The following CHST11 variants were observed in gnomAD, a reference collection of about 807,000 sequenced individuals.
CHST11 encodes the protein C4S-1.
In CHST11, 9 loss-of-function variants were observed where a neutral mutation model predicts 30.4. The ratio of observed to expected loss-of-function variants is 0.30; its 90% confidence interval spans 0.18 to 0.52. CHST11 has a LOEUF of 0.52. Ranked by LOEUF, CHST11 falls within the 20% of genes least tolerant of loss-of-function variation. The probability of loss-of-function intolerance (pLI) is 0.97; values close to 1 mark genes in which losing one functional copy is unlikely to be tolerated. For missense variants in CHST11, 348 were observed against 460.6 expected (o/e 0.76, Z 2.24); for synonymous variants, 152 against 187.8 (o/e 0.81, Z 1.56).
chr12:104,742,897 C>T (rs535498484), intron 2 of CHST11, among the ~76,000 whole-genome samples: 2 of 152,218 alleles, frequency 1.3e-5, no homozygotes, highest in African/African-American at 2.4e-5. Context: ...CTGAGAGTCC[C>T]CGCTCTTCTC....
At chr12:104,543,868 C>T (rs1261595376) in intron 1 of CHST11, among the ~76,000 whole-genome samples, 1 of 152,002 alleles carries the variant, frequency 6.6e-6, no homozygotes, top group African/African-American at 2.4e-5. Flanking sequence ...GAGGTATGCA[C>T]CTATAGTCCC....
intron 1 of CHST11, among the ~76,000 whole-genome samples, chr12:104,598,594 G>A (rs1022549681): frequency 2.6e-5 from 4 of 152,170 alleles, no homozygotes; most frequent in African/African-American, 9.6e-5. Flanking sequence ...CTGGGATGAA[G>A]CCCAAGAATG....
chr12:104,627,206 CT>C (rs780213495), intron 2 of CHST11, among the ~76,000 whole-genome samples: 1 of 152,022 alleles, frequency 6.6e-6, no homozygotes, highest in Non-Finnish European at 1.5e-5. Context: ...ATTCCATTGT[CT>C]GGATGGAACA....
At chr12:104,714,451 G>A (rs995981718) in intron 2 of CHST11, among the ~76,000 whole-genome samples, 2 of 152,132 alleles carry the variant, frequency 1.3e-5, no homozygotes, top group African/African-American at 4.8e-5. Flanking sequence ...GATCTGTCAG[G>A]GCTGGGGCAA....
intron 1 of CHST11, among the ~76,000 whole-genome samples, chr12:104,487,010 A>G (rs894228984): frequency 2.6e-5 from 4 of 152,218 alleles, no homozygotes; most frequent in African/African-American, 4.8e-5. Flanking sequence ...GAGATATTTT[A>G]AAGTCCTCTC....
intron 2 of CHST11, among the ~76,000 whole-genome samples, chr12:104,690,064 C>T (rs988267063): frequency 6.6e-6 from 1 of 152,232 alleles, no homozygotes; most frequent in African/African-American, 2.4e-5. Flanking sequence ...GGTGGGCTCA[C>T]ACTCTTGTGA....
intron 1 of CHST11, among the ~76,000 whole-genome samples, chr12:104,460,445 CTT>C (rs2037396990): frequency 6.6e-6 from 1 of 152,112 alleles, no homozygotes; most frequent in African/African-American, 2.4e-5. Context: ...GGGTGCATCA[CTT>C]GAGCTCAGGA....
At chr12:104,732,746 C>G (rs2040267591) in intron 2 of CHST11, among the ~76,000 whole-genome samples, 1 of 152,190 alleles carries the variant, frequency 6.6e-6, no homozygotes, top group African/African-American at 2.4e-5. Flanking sequence ...CCCAGGTGCT[C>G]ACATCATCTA....
chr12:104,491,578 C>T (rs2037746801), intron 1 of CHST11, among the ~76,000 whole-genome samples: 2 of 151,968 alleles, frequency 1.3e-5, no homozygotes, highest in Non-Finnish European at 2.9e-5. Flanking sequence ...AAGTGGTCCT[C>T]CTGCCTCTGC....
At chr12:104,614,032 G>A (rs2039085220) in intron 2 of CHST11, among the ~76,000 whole-genome samples, 2 of 152,168 alleles carry the variant, frequency 1.3e-5, no homozygotes, top group South Asian at 4.1e-4. Flanking sequence ...TAGGAAAGCA[G>A]ATCTTAAATG....
intron 2 of CHST11, among the ~76,000 whole-genome samples, chr12:104,656,930 G>A: frequency 6.6e-6 from 1 of 152,064 alleles, no homozygotes; most frequent in Non-Finnish European, 1.5e-5. Flanking sequence ...AAGTTTCAAT[G>A]TTTCTAAGAT....
chr12:104,486,618 T>C (rs924694316), intron 1 of CHST11, among the ~76,000 whole-genome samples: 1 of 152,154 alleles, frequency 6.6e-6, no homozygotes, highest in East Asian at 1.9e-4. Flanking sequence ...TCTGGAACTT[T>C]CCAGTCAGGC....
intron 1 of CHST11, among the ~76,000 whole-genome samples, chr12:104,558,815 A>G (rs2038485170): frequency 6.6e-6 from 1 of 152,122 alleles, no homozygotes; most frequent in African/African-American, 2.4e-5. Context: ...CTGGGATTAC[A>G]GGCTTGAGTC....
At chr12:104,606,058 C>G (rs2039001552) in intron 2 of CHST11, among the ~76,000 whole-genome samples, 1 of 150,708 alleles carries the variant, frequency 6.6e-6, no homozygotes, top group African/African-American at 2.4e-5. Flanking sequence ...TTTATAAGCG[C>G]TGAGTCTAGG....
intron 2 of CHST11, among the ~76,000 whole-genome samples, chr12:104,654,701 A>G (rs61256744): frequency 0.25 from 37,750 of 152,074 alleles, 4,935 homozygotes; most frequent in South Asian, 0.31. Flanking sequence ...AAGGAACTGT[A>G]CCTGCTAACC....
At chr12:104,756,662 T>C (rs2040478924) in intron 2 of CHST11, among the ~76,000 whole-genome samples, 3 of 152,020 alleles carry the variant, frequency 2.0e-5, no homozygotes. Context: ...ATTCTCCTGC[T>C]TCAGCCTCCC....
At chr12:104,584,838 C>T (rs1233862402) in intron 1 of CHST11, among the ~76,000 whole-genome samples, 1 of 152,144 alleles carries the variant, frequency 6.6e-6, no homozygotes, top group Admixed American at 6.5e-5. Context: ...CATCTTTGCG[C>T]GTCCATCTTT....
At chr12:104,714,740 G>T (rs2040116429) in intron 2 of CHST11, among the ~76,000 whole-genome samples, 1 of 152,130 alleles carries the variant, frequency 6.6e-6, no homozygotes, top group Non-Finnish European at 1.5e-5. Flanking sequence ...GGTGCAGCGT[G>T]GGGTAGAGAT....
chr12:104,725,511 G>A (rs1333879764), intron 2 of CHST11, among the ~76,000 whole-genome samples: 1 of 150,122 alleles, frequency 6.7e-6, no homozygotes, highest in African/African-American at 2.5e-5. Flanking sequence ...CAATAAAGCT[G>A]TTAATTTTTT....
Sources: allele counts gnomAD v4.1 joint callset (sites outside exome capture counted in the v4.1 genomes callset), GRCh38; gene constraint gnomAD v4.1.1; transcripts MANE v1.5; gene names NCBI Gene and HGNC (gene_info 2026-07-23, HGNC 2026-07-21).